The following COL11A1 variants were observed in gnomAD, a reference collection of about 807,000 sequenced individuals.
COL11A1 encodes collagen alpha-1(XI) chain.
In COL11A1, 74 loss-of-function variants were observed where a neutral mutation model predicts 265.2. That is an observed-to-expected ratio of 0.28 (90% CI 0.23 to 0.34). The LOEUF (loss-of-function observed/expected upper bound fraction) is 0.34, where lower values mean the gene tolerates loss of function less well. Among genes scored for constraint, COL11A1 ranks in the 10% least tolerant of loss-of-function variants. The pLI, the probability that COL11A1 is intolerant of heterozygous loss-of-function variation, is 1.00. For synonymous variants in COL11A1, 816 were observed against 727.6 expected, an observed-to-expected ratio of 1.12 and a Z score of -1.96; for missense variants, 2,165 against 2,263.6, an observed-to-expected ratio of 0.96 and a Z score of 0.88.
intron 38 of COL11A1, 138 bp downstream of exon 38, chr1:102,965,349 A>G: frequency 1.1e-6 from 1 of 874,732 alleles, no homozygotes; most frequent in Non-Finnish European, 1.9e-6. Context: ...CGAAAGCTGC[A>G]TATATTTAAA....
rs2622851 is a variant in COL11A1, at chr1:102,969,344, G to A, written c.2862+875C>T. ...CTATGCAACTCCAATATGTATTCAG[G>A]GTGCCCCCTACCCTAACATGATTTT... On this transcript the variant is annotated intron_variant, in intron 37 of 66. Coordinates refer to ENST00000370096, the MANE Select transcript of COL11A1 (RefSeq NM_001854.4). 3.1e-3 allele frequency among the ~76,000 whole-genome samples: 467 copies of A among 152,194 alleles called. 3 individuals are homozygous for A. Among genetic ancestry groups the A allele is most frequent in the African/African-American group, 0.011 (449 of 41,554 alleles).
At chr1:103,084,593 T>C (rs1672707055) in intron 1 of COL11A1, among the ~76,000 whole-genome samples, 1 of 90,690 alleles carries the variant, frequency 1.1e-5, no homozygotes, top group Non-Finnish European at 2.5e-5. Flanking sequence ...ATATGCCATT[T>C]AGAAAAAAAA....
chr1:102,905,954 C>T (rs952386520), intron 54 of COL11A1, among the ~76,000 whole-genome samples: 12 of 151,980 alleles, frequency 7.9e-5, no homozygotes, highest in African/African-American at 2.4e-4. Context: ...TTATTGCTAA[C>T]GAGCTATCAT....
At chr1:103,053,016 G>A (rs920713306) in intron 4 of COL11A1, among the ~76,000 whole-genome samples, 1 of 152,130 alleles carries the variant, frequency 6.6e-6, no homozygotes, top group African/African-American at 2.4e-5. Context: ...TTAAAAGGGG[G>A]AAATAAAACT....
intron 42 of COL11A1, among the ~76,000 whole-genome samples, chr1:102,944,552 T>A (rs77620091): frequency 1.3e-5 from 2 of 152,116 alleles, no homozygotes; most frequent in East Asian, 3.9e-4. Flanking sequence ...TATCACTAAT[T>A]ACCAACAAAA....
chr1:103,089,574 A>C (rs1673149858), intron 1 of COL11A1, among the ~76,000 whole-genome samples: 1 of 152,190 alleles, frequency 6.6e-6, no homozygotes, highest in Admixed American at 6.5e-5. Context: ...ATACACTGTA[A>C]ACCCTCTGAC....
At chr1:102,995,523 T>C (rs1664538626) in intron 28 of COL11A1, among the ~76,000 whole-genome samples, 1 of 152,068 alleles carries the variant, frequency 6.6e-6, no homozygotes, top group Non-Finnish European at 1.5e-5. Flanking sequence ...TCATATGTTA[T>C]GCATCTAACT....
At chr1:102,944,826 ATTAT>A (rs1442305323) in intron 42 of COL11A1, among the ~76,000 whole-genome samples, 1 of 152,170 alleles carries the variant, frequency 6.6e-6, no homozygotes, top group South Asian at 2.1e-4. Context: ...CTCTGTATGC[ATTAT>A]TTAGTGTATT....
Position 102,898,935 on chromosome 1 carries a change from T to C in COL11A1, c.4140+6A>G, listed in dbSNP as rs191656980. On this transcript the variant is annotated splice_donor_region_variant and intron_variant, in intron 55 of 66. Coordinates refer to ENST00000370096, the MANE Select transcript of COL11A1 (RefSeq NM_001854.4). ...ATATATTATGTATATATTATTTTTT[T>C]TTTACCTTAGCACCTTTTTCACCTT... The C allele has an allele frequency of 4.2e-6, 6 of 1,428,740 alleles. No homozygotes were observed. The African/African-American group carries it at 7.2e-5, about 17-fold the overall frequency. 88.5% of individuals were successfully genotyped at this position (1,428,740 alleles called of 1,614,324 possible). A position where few individuals can be genotyped will look rare whatever the true frequency, so the allele number is the denominator to read the frequency against.
intron 4 of COL11A1, among the ~76,000 whole-genome samples, chr1:103,047,151 T>C (rs895616335): frequency 6.6e-6 from 1 of 152,210 alleles, no homozygotes; most frequent in East Asian, 1.9e-4. Flanking sequence ...TAGAAAGTCA[T>C]TGGTAGCCCA....
intron 15 of COL11A1, among the ~76,000 whole-genome samples, chr1:103,006,683 G>A (rs1414768141): frequency 2.7e-5 from 4 of 150,784 alleles, no homozygotes; most frequent in Admixed American, 1.3e-4. Flanking sequence ...GACTACAGGC[G>A]CCCGCCACTA....
At chr1:102,883,424 C>A (rs1650518569) in intron 63 of COL11A1, 113 bp from the exon 64 acceptor site, 5 of 734,686 alleles carry the variant, frequency 6.8e-6, no homozygotes, top group South Asian at 4.5e-5. Context: ...ATTAATAGAT[C>A]TTTTGCCTTT....
At chr1:103,043,658 T>C (rs1383171421) in intron 4 of COL11A1, among the ~76,000 whole-genome samples, 1 of 152,108 alleles carries the variant, frequency 6.6e-6, no homozygotes, top group East Asian at 1.9e-4. Context: ...TAATATAGAT[T>C]TAAGCTGTTT....
chr1:102,937,287 G>C (rs1658247238), intron 44 of COL11A1, among the ~76,000 whole-genome samples: 1 of 152,248 alleles, frequency 6.6e-6, no homozygotes, highest in South Asian at 2.1e-4. Flanking sequence ...TGGCCATGCA[G>C]TCATTTTAGC....
chr1:102,979,085 C>G lies in COL11A1; in HGVS notation c.2630G>C (p.Gly877Ala). The G allele has an allele frequency of 6.2e-7, 1 of 1,614,102 alleles. No homozygotes were observed. The highest frequency in any genetic ancestry group is 8.5e-7 in the Non-Finnish European group (1 of 1,179,996). ...KGARGVAGKPGPRGQRGPTGP... is the reference protein window; with the variant it reads ...KGARGVAGKPAPRGQRGPTGP... Reference sequence around the variant, plus strand: ...CGTTGGACCACGCTGACCCCGAGGGCCTGGTTTGCCAGCTACTCCCTAGCA... The same window carrying G: ...CGTTGGACCACGCTGACCCCGAGGGGCTGGTTTGCCAGCTACTCCCTAGCA... The change falls in exon 33 of 67, where the codon GGC (glycine) becomes GCC (alanine). Residue 877 changes from glycine (G) to alanine (A), a missense_variant. Gly to Ala is a moderately conservative substitution (Grantham distance 60, BLOSUM62 0). Coordinates refer to ENST00000370096, the MANE Select transcript of COL11A1 (RefSeq NM_001854.4).
Position 102,962,671 on chromosome 1 carries a change from T to A in COL11A1, c.3006A>T (p.Ala1002=). Residue 1002 remains alanine (A), a synonymous_variant, in exon 39 of 67, where the codon GCA becomes GCT. Coordinates refer to ENST00000370096, the MANE Select transcript of COL11A1 (RefSeq NM_001854.4). ...PPGEQGLPGA[A]GKEGAKGDPG... ...GTTGTACCTTTGCACCTTCTTTTCCTGCAGCACCAGGAAGACCTTGCTCAC... is the reference window on the plus strand; with the variant it reads ...GTTGTACCTTTGCACCTTCTTTTCCAGCAGCACCAGGAAGACCTTGCTCAC... The A allele has an allele frequency of 6.2e-7, 1 of 1,614,112 alleles. No individual in the cohort carries two copies. The highest frequency in any genetic ancestry group is 8.5e-7 in the Non-Finnish European group (1 of 1,179,990).
chr1:102,949,953 C>T (rs970831277), intron 41 of COL11A1, among the ~76,000 whole-genome samples: 1 of 152,166 alleles, frequency 6.6e-6, no homozygotes, highest in Non-Finnish European at 1.5e-5. Flanking sequence ...AATAATCATT[C>T]TCCATCATTC....
chr1:102,885,105 TC>T (rs367905720), intron 63 of COL11A1, among the ~76,000 whole-genome samples: 20 of 152,284 alleles, frequency 1.3e-4, no homozygotes, highest in African/African-American at 4.6e-4. Context: ...CCTTTTTTTG[TC>T]CAATATTATA....
At chr1:102,964,279 T>C (rs936384118) in intron 38 of COL11A1, among the ~76,000 whole-genome samples, 1 of 152,320 alleles carries the variant, frequency 6.6e-6, no homozygotes, top group Admixed American at 6.5e-5. Flanking sequence ...TTTTTCTAGT[T>C]AAATTTTCTC....
Sources: allele counts gnomAD v4.1 joint callset (sites outside exome capture counted in the v4.1 genomes callset), GRCh38; gene constraint gnomAD v4.1.1; transcripts MANE v1.5; gene names NCBI Gene and HGNC (gene_info 2026-07-23, HGNC 2026-07-21).